NMRAL1: variants seen among roughly 807,000 people sequenced by gnomAD.
The protein encoded by NMRAL1 is nmrA-like family domain-containing protein 1.
NMRAL1 carries 32 observed loss-of-function variants against 27.5 expected under a neutral mutation model. The ratio of observed to expected loss-of-function variants is 1.16; its 90% confidence interval spans 0.88 to 1.56. NMRAL1 has a LOEUF of 1.56. Ranked by LOEUF, NMRAL1 falls within the 40% of genes most tolerant of loss-of-function variation. The pLI, the probability that NMRAL1 is intolerant of heterozygous loss-of-function variation, is 0.00. For synonymous variants in NMRAL1, 166 were observed against 166.8 expected, an observed-to-expected ratio of 1.00 and a Z score of 0.04; for missense variants, 420 against 392.0, an observed-to-expected ratio of 1.07 and a Z score of -0.60.
intron 4 of NMRAL1, among the ~76,000 whole-genome samples, chr16:4,464,841 T>A (rs1193773575): frequency 6.6e-6 from 1 of 151,920 alleles, no homozygotes; most frequent in African/African-American, 2.4e-5. Context: ...GGTCTCGATC[T>A]CCTGAACCTC....
At chr16:4,469,144 AC>A (rs1221773974) in intron 3 of NMRAL1, 82 bp downstream of exon 3, 1 of 881,238 alleles carries the variant, frequency 1.1e-6, no homozygotes, top group East Asian at 2.4e-5. Context: ...CAGTGCTCCA[AC>A]CTCCCTGCAG....
intron 2 of NMRAL1, 39 bp from the exon 3 acceptor site, chr16:4,469,504 C>T (rs746023323): frequency 2.0e-5 from 32 of 1,607,982 alleles, no homozygotes; most frequent in South Asian, 1.9e-4. Context: ...TCAGACCTAC[C>T]TGAAAGTCCC....
intron 2 of NMRAL1, among the ~76,000 whole-genome samples, chr16:4,469,897 G>A (rs1306151805): frequency 6.6e-6 from 1 of 150,616 alleles, no homozygotes; most frequent in Non-Finnish European, 1.5e-5. Flanking sequence ...AGGCATGGTG[G>A]CTCACGCCTG....
At chr16:4,464,775 C>T (rs760502517) in intron 4 of NMRAL1, among the ~76,000 whole-genome samples, 16 of 150,154 alleles carry the variant, frequency 1.1e-4, no homozygotes, top group Admixed American at 1.3e-4. Flanking sequence ...CCGCCACACC[C>T]GGCTAAGTTT....
In NMRAL1 at chr16:4,466,228, G is replaced by A; in HGVS notation, c.454C>T (p.Leu152=). 6.2e-7 allele frequency: 1 copy of A among 1,614,176 alleles called. No individual in the cohort carries two copies. The highest frequency in any genetic ancestry group is 8.5e-7 in the Non-Finnish European group (1 of 1,180,038). ...AGGAGGTTCTCAAAATAGCAGGGCA[G>A]CCGCACACTGGTCATGGGAACGCCA... ...DIGVPMTSVR[L]PCYFENLLSH... is the part of the protein sequence containing the mutation. Residue 152 remains leucine (L), a synonymous_variant, in exon 4 of 6, where the codon CTG becomes TTG. Coordinates refer to ENST00000283429, the MANE Select transcript of NMRAL1 (RefSeq NM_020677.6).
intron 2 of NMRAL1, among the ~76,000 whole-genome samples, chr16:4,470,556 G>A (rs2057522563): frequency 6.6e-6 from 1 of 152,128 alleles, no homozygotes; most frequent in Admixed American, 6.6e-5. Flanking sequence ...TGCAGTGGCT[G>A]TAATCCTAGC....
At chr16:4,464,739 C>G (rs2036758317) in intron 4 of NMRAL1, among the ~76,000 whole-genome samples, 3 of 151,794 alleles carry the variant, frequency 2.0e-5, no homozygotes, top group South Asian at 2.1e-4. Flanking sequence ...CTCAGCCTCC[C>G]GAGTAGCTGG....
chr16:4,473,731 G>T (rs2057693912), intron 2 of NMRAL1, among the ~76,000 whole-genome samples: 1 of 152,132 alleles, frequency 6.6e-6, no homozygotes, highest in South Asian at 2.1e-4. Flanking sequence ...TTTGAGACCA[G>T]CCTGACCAAT....
In NMRAL1 at chr16:4,469,239, C is replaced by T; in HGVS notation, c.267G>A (p.Gln89=). The T allele has an allele frequency of 6.2e-7, 1 of 1,613,630 alleles. No homozygotes were observed. The change falls in exon 3 of 6, where the codon CAG becomes CAA. Residue 89 remains glutamine, a synonymous_variant. Coordinates refer to ENST00000283429, the MANE Select transcript of NMRAL1 (RefSeq NM_020677.6). The part of the protein sequence containing the change: ...TNYWESCSQE[Q]EVKQGKLLAD... Reference sequence around the variant, plus strand: ...TGCCTGCCCTCACCTGCTTGACCTCCTGCTCCTGGCTGCAGCTCTCCCAGT... The same window carrying T: ...TGCCTGCCCTCACCTGCTTGACCTCTTGCTCCTGGCTGCAGCTCTCCCAGT...
At position 4,474,185 on chromosome 16, in the gene NMRAL1, G is replaced by T; in HGVS notation, c.-34-19C>A. 1.3e-6 allele frequency: 2 copies of T among 1,584,888 alleles called. No individual in the cohort carries two copies. The highest frequency in any genetic ancestry group is 1.7e-6 in the Non-Finnish European group (2 of 1,160,424). ...CAGAGATCTGGGGGTAATGGGAGGC[G>T]TGGAGTTGGGGGTGGGGCCGGGGTT... On this transcript the variant is annotated intron_variant, in intron 1 of 5. Transcript: ENST00000283429.
rs1260398636 is a variant in NMRAL1 at position 4,472,056 on chromosome 16, C to G, written c.40+2037G>C. 1.3e-5 allele frequency among the ~76,000 whole-genome samples: 2 copies of G among 151,966 alleles called. 1 individual carries two copies. The highest frequency in any genetic ancestry group is 4.8e-5 in the African/African-American group (2 of 41,340). On this transcript the variant is annotated intron_variant, in intron 2 of 5. Coordinates refer to ENST00000283429, the MANE Select transcript of NMRAL1 (RefSeq NM_020677.6). ...AGCCACTGCACTCCAGCCTGGGCAA[C>G]AGAGCAAGACCCTGACTCAGAAAAA...
chr16:4,464,760 G>A (rs144702663), intron 4 of NMRAL1, among the ~76,000 whole-genome samples: 2,678 of 151,500 alleles, frequency 0.018, 35 homozygotes, highest in Non-Finnish European at 0.029. Context: ...GACTACAGGC[G>A]CCTGCCGCCA....
At chr16:4,474,268 G>T (rs1383269188) in intron 1 of NMRAL1, 102 bp from the exon 2 acceptor site, 7 of 801,980 alleles carry the variant, frequency 8.7e-6, no homozygotes, top group Non-Finnish European at 1.2e-5. Context: ...TGTGTCGAAG[G>T]GGGCGGCTGG....
chr16:4,462,888 C>T (rs904205059), intron 5 of NMRAL1, among the ~76,000 whole-genome samples: 3 of 151,178 alleles, frequency 2.0e-5, no homozygotes, highest in Non-Finnish European at 2.9e-5. Context: ...GTTGGAGTCT[C>T]GCTCTGTCGC....
chr16:4,473,987 T>G, intron 2 of NMRAL1, 106 bp downstream of exon 2: 1 of 792,904 alleles, frequency 1.3e-6, no homozygotes, highest in Non-Finnish European at 2.1e-6. Flanking sequence ...CCAACCTGGG[T>G]CGGGGGTCCC....
intron 2 of NMRAL1, 75 bp from the exon 3 acceptor site, chr16:4,469,540 G>A (rs1206477221): frequency 6.3e-7 from 1 of 1,591,314 alleles, no homozygotes; most frequent in Non-Finnish European, 8.6e-7. Context: ...CCCGAAGGGA[G>A]TGCTCCACCA....
At chr16:4,464,190 G>A in intron 4 of NMRAL1, 1 of 364,100 alleles carries the variant, frequency 2.7e-6, no homozygotes, top group South Asian at 4.6e-5. Flanking sequence ...AAAGGACTCT[G>A]AAAGCTGCTA....
intron 3 of NMRAL1, chr16:4,466,648 G>T: frequency 1.9e-6 from 1 of 533,382 alleles, no homozygotes; most frequent in South Asian, 2.1e-5. Flanking sequence ...TAGGACGGGG[G>T]GGCAGGTCGG....
intron 4 of NMRAL1, 48 bp downstream of exon 4, chr16:4,466,105 T>G (rs1158480198): frequency 6.2e-7 from 1 of 1,608,302 alleles, no homozygotes; most frequent in Non-Finnish European, 8.5e-7. Context: ...ACCAACGGCT[T>G]TACAGGGTGA....
Sources: allele counts gnomAD v4.1 joint callset (sites outside exome capture counted in the v4.1 genomes callset), GRCh38; gene constraint gnomAD v4.1.1; transcripts MANE v1.5; gene names NCBI Gene and HGNC (gene_info 2026-07-23, HGNC 2026-07-21).